The following CDH6 variants were observed in gnomAD, a reference collection of about 807,000 sequenced individuals.
CDH6 encodes cadherin-6.
CDH6 carries 31 observed loss-of-function variants against 78.0 expected under a neutral mutation model. That is an observed-to-expected ratio of 0.40 (90% CI 0.30 to 0.54). The LOEUF (loss-of-function observed/expected upper bound fraction) is 0.54. Ranked by LOEUF, CDH6 falls within the 20% of genes least tolerant of loss-of-function variation. The pLI, the probability that CDH6 is intolerant of heterozygous loss-of-function variation, is 0.56. For synonymous variants in CDH6, 376 were observed against 368.8 expected (o/e 1.02, Z -0.23); for missense variants, 724 against 975.9 (o/e 0.74, Z 3.44).
At position 31,257,468 on chromosome 5, in the gene CDH6, T is replaced by C. The variant is rs528148444; in HGVS notation, c.-128-9878T>C. ...GTGAGCCACCGCGCCTGGCCACATG[T>C]TCGTTTTTATAGTCATTAGTCATAT... On this transcript the variant is annotated intron_variant, in intron 1 of 11. Coordinates refer to ENST00000265071, the MANE Select transcript of CDH6 (RefSeq NM_004932.4). Among the ~76,000 whole-genome samples, 5 of 152,320 alleles carry C rather than the reference T, an allele frequency of 3.3e-5. No homozygotes were observed. The East Asian group carries it at 9.6e-4, about 29-fold the overall frequency.
At position 31,196,808 on chromosome 5, in the gene CDH6, C is replaced by A. The variant is rs567796599; in HGVS notation, c.-129+2922C>A. ...GATGATTCCAAATGAAAGCAATGGCCAATTAATAAAGAATTTACCATCATC... is the reference window on the plus strand; with the variant it reads ...GATGATTCCAAATGAAAGCAATGGCAAATTAATAAAGAATTTACCATCATC... On this transcript the variant is annotated intron_variant, in intron 1 of 11. Transcript: ENST00000265071. Among the ~76,000 whole-genome samples, 5 of 152,084 alleles carry A rather than the reference C, an allele frequency of 3.3e-5. No individual in the cohort carries two copies. The South Asian group carries it at 8.3e-4, about 25-fold the overall frequency.
chr5:31,241,871 C>T (rs1008742246), intron 1 of CDH6, among the ~76,000 whole-genome samples: 2 of 152,188 alleles, frequency 1.3e-5, no homozygotes, highest in African/African-American at 4.8e-5. Flanking sequence ...GTTTTCGTGC[C>T]TATATTGCAG....
intron 4 of CDH6, among the ~76,000 whole-genome samples, chr5:31,298,639 A>C (rs1412690459): frequency 6.6e-6 from 1 of 152,196 alleles, no homozygotes; most frequent in Non-Finnish European, 1.5e-5. Flanking sequence ...GAAGGTTATA[A>C]AGGCTTCTCC....
At chr5:31,258,461 G>A (rs778025727) in intron 1 of CDH6, among the ~76,000 whole-genome samples, 1 of 152,068 alleles carries the variant, frequency 6.6e-6, no homozygotes, top group Non-Finnish European at 1.5e-5. Flanking sequence ...CACAGGGAAG[G>A]GAACATCACA....
chr5:31,279,718 T>C (rs892594786), intron 2 of CDH6, among the ~76,000 whole-genome samples: 2 of 152,196 alleles, frequency 1.3e-5, no homozygotes, highest in African/African-American at 4.8e-5. Flanking sequence ...AAGGAGGGGT[T>C]GGTCTTACTG....
intron 2 of CDH6, among the ~76,000 whole-genome samples, chr5:31,274,387 G>A (rs1742627885): frequency 6.6e-6 from 1 of 152,180 alleles, no homozygotes; most frequent in Non-Finnish European, 1.5e-5. Context: ...TAAAGCCAAG[G>A]TAACTCTTAC....
chr5:31,318,604 A>T, intron 11 of CDH6: 1 of 229,490 alleles, frequency 4.4e-6, no homozygotes, highest in Non-Finnish European at 8.6e-6. Flanking sequence ...TGAAATTTTT[A>T]CCCCTAACCA....
At chr5:31,214,866 C>G (rs1740821524) in intron 1 of CDH6, among the ~76,000 whole-genome samples, 2 of 152,094 alleles carry the variant, frequency 1.3e-5, no homozygotes, top group South Asian at 2.1e-4. Flanking sequence ...TTCCTGAGAT[C>G]CAATGGAAAT....
intron 1 of CDH6, among the ~76,000 whole-genome samples, chr5:31,262,213 C>T (rs1742228355): frequency 6.6e-6 from 1 of 152,210 alleles, no homozygotes; most frequent in African/African-American, 2.4e-5. Flanking sequence ...TGACCATGCA[C>T]TCTTGTGGAT....
At chr5:31,261,798 C>G (rs943823361) in intron 1 of CDH6, among the ~76,000 whole-genome samples, 3 of 152,120 alleles carry the variant, frequency 2.0e-5, no homozygotes, top group Non-Finnish European at 2.9e-5. Flanking sequence ...GCTTTCAAAT[C>G]TGTCTTATAT....
At position 31,329,007 on chromosome 5, in the gene CDH6, T is replaced by C. The variant is rs1340122077; in HGVS notation, c.*5699T>C. 9.2e-6 allele frequency: 2 copies of C among 217,224 alleles called. No homozygotes were observed. Among genetic ancestry groups the C allele is most frequent in the African/African-American group, 4.5e-5 (2 of 44,382 alleles). The allele number at this position is 217,224 out of a possible 1,614,324, so 13.5% of individuals were successfully genotyped here. Reference sequence around the variant, plus strand: ...TTGAAATGGCTTCTTTTATTTGGTTTTGTTTTCTTAGACTTATAAATTTGA... The same window carrying C: ...TTGAAATGGCTTCTTTTATTTGGTTCTGTTTTCTTAGACTTATAAATTTGA... On this transcript the variant is annotated 3_prime_UTR_variant, in exon 12 of 12. Coordinates refer to ENST00000265071, the MANE Select transcript of CDH6 (RefSeq NM_004932.4).
At position 31,304,170 on chromosome 5, in the gene CDH6, A is replaced by C. The variant is rs547899029; in HGVS notation, c.1000-1004A>C. Among the ~76,000 whole-genome samples, 13 of 149,872 alleles carry C rather than the reference A, an allele frequency of 8.7e-5. 1 individual carries two copies. In the South Asian group the frequency reaches 2.7e-3, roughly 32 times the overall value. The stretch of plus-strand genomic sequence containing the variant: ...TGGAATATTTCATTACCTCATGCAA[A>C]AAACAACAACAACAAAAAAAAAAAA... On this transcript the variant is annotated intron_variant, in intron 6 of 11. Coordinates refer to ENST00000265071, the MANE Select transcript of CDH6 (RefSeq NM_004932.4).
At chr5:31,275,719 A>G (rs1205143247) in intron 2 of CDH6, among the ~76,000 whole-genome samples, 1 of 152,184 alleles carries the variant, frequency 6.6e-6, no homozygotes, top group East Asian at 1.9e-4. Flanking sequence ...AATTTTGACT[A>G]AATTTTATTT....
At chr5:31,204,970 A>C (rs1740474460) in intron 1 of CDH6, among the ~76,000 whole-genome samples, 1 of 152,192 alleles carries the variant, frequency 6.6e-6, no homozygotes. Context: ...GGGAAAATCC[A>C]TTATTTGATT....
Position 31,281,054 on chromosome 5 carries a change from T to TA in CDH6, c.229-12901dup, listed in dbSNP as rs1252248919. Among the ~76,000 whole-genome samples, 5 of 152,226 alleles carry TA rather than the reference T, an allele frequency of 3.3e-5. No individual in the cohort carries two copies. The East Asian group carries it at 9.6e-4, about 29-fold the overall frequency. On this transcript the variant is annotated intron_variant, in intron 2 of 11. Transcript: ENST00000265071. ...GATGCTTGAGAGTTATGAATTCAAG[T>TA]AAAAAAATAGTCATTTGTCTTATAG...
rs370682979 is a variant in CDH6 at position 31,297,441 on chromosome 5, A to G, written c.643+33A>G. 31 of 1,504,756 alleles carry G rather than the reference A, an allele frequency of 2.1e-5. No homozygotes were observed. In the African/African-American group the frequency reaches 3.9e-4, roughly 19 times the overall value. The allele number at this position is 1,504,756 out of a possible 1,614,324, so 93.2% of individuals were successfully genotyped here. A position where few individuals can be genotyped will look rare whatever the true frequency, so the allele number is the denominator to read the frequency against. ...TTTTTGATCTTCCTTTTTATAATCTATAATTTTAATTGACATGCTCAGCTG... is the reference window on the plus strand; with the variant it reads ...TTTTTGATCTTCCTTTTTATAATCTGTAATTTTAATTGACATGCTCAGCTG... On this transcript the variant is annotated intron_variant, in intron 4 of 11. Transcript: ENST00000265071.
In CDH6 at chr5:31,245,479, G is replaced by C. The variant is rs1741718789; in HGVS notation, c.-128-21867G>C. ...CGTCAGCTTACAGGCCTTTGTCCAG[G>C]ATGAAATGTTAAAAGCCCTTTCCTA... On this transcript the variant is annotated intron_variant, in intron 1 of 11. Coordinates refer to ENST00000265071, the MANE Select transcript of CDH6 (RefSeq NM_004932.4). 2.0e-5 allele frequency among the ~76,000 whole-genome samples: 3 copies of C among 151,440 alleles called. No homozygotes were observed. The South Asian group carries it at 6.3e-4, about 32-fold the overall frequency.
At chr5:31,281,487 T>G (rs1356978682) in intron 2 of CDH6, among the ~76,000 whole-genome samples, 1 of 152,154 alleles carries the variant, frequency 6.6e-6, no homozygotes, top group Non-Finnish European at 1.5e-5. Context: ...GGCTCTCAGC[T>G]TGATTTACCA....
chr5:31,268,992 ACT>A (rs1026931840), intron 2 of CDH6, among the ~76,000 whole-genome samples: 2 of 152,032 alleles, frequency 1.3e-5, no homozygotes, highest in African/African-American at 4.8e-5. Context: ...TGAAATTCAC[ACT>A]CTGTGTGACT....
Sources: gnomAD v4.1 joint callset for allele counts (sites outside exome capture counted in the v4.1 genomes callset) on GRCh38, gnomAD v4.1.1 for gene constraint, MANE v1.5 for transcripts, NCBI Gene and HGNC (gene_info 2026-07-23, HGNC 2026-07-21) for gene names.